Variants in CEP112 observed in about 807,000 individuals in gnomAD.
The protein encoded by CEP112 is centrosomal protein 112, also known as centrosomal protein of 112 kDa.
CEP112 carries 127 observed loss-of-function variants against 153.0 expected under a neutral mutation model. The observed-to-expected ratio is 0.83, with a 90% CI of 0.72 to 0.96. The LOEUF (loss-of-function observed/expected upper bound fraction) is 0.96. CEP112 is among the 40% of genes least tolerant of loss of function. The probability of loss-of-function intolerance (pLI) is 0.00; values close to 1 mark genes in which losing one functional copy is unlikely to be tolerated. For missense variants in CEP112, 1,089 were observed against 1,101.2 expected (o/e 0.99, Z 0.16); for synonymous variants, 358 against 374.4 (o/e 0.96, Z 0.51).
chr17:66,190,669 T>C (rs528769801), intron 1 of CEP112, among the ~76,000 whole-genome samples: 2 of 152,354 alleles, frequency 1.3e-5, no homozygotes, highest in South Asian at 2.1e-4. Flanking sequence ...CTCTTGCTTA[T>C]AGCTACAATC....
At chr17:65,714,370 A>C (rs1244224872) in intron 23 of CEP112, among the ~76,000 whole-genome samples, 1 of 152,202 alleles carries the variant, frequency 6.6e-6, no homozygotes. Context: ...GAAAAAGTCA[A>C]CACTACATAT....
At chr17:65,670,984 A>G (rs1017324668) in intron 24 of CEP112, among the ~76,000 whole-genome samples, 1 of 152,174 alleles carries the variant, frequency 6.6e-6, no homozygotes, top group Non-Finnish European at 1.5e-5. Context: ...ATAACCCATT[A>G]TTATAAAGAA....
intron 21 of CEP112, chr17:65,797,153 A>T (rs1364870933): frequency 1.3e-5 from 2 of 152,248 alleles, no homozygotes; most frequent in African/African-American, 2.4e-5. Context: ...AAGACTGATG[A>T]TCAGTACCAC....
intron 8 of CEP112, among the ~76,000 whole-genome samples, chr17:66,077,395 G>C (rs2067542513): frequency 6.6e-6 from 1 of 152,152 alleles, no homozygotes; most frequent in African/African-American, 2.4e-5. Context: ...GACACACTTA[G>C]AGAAATGCAA....
intron 4 of CEP112, among the ~76,000 whole-genome samples, chr17:66,137,537 G>T (rs2146584460): frequency 6.6e-6 from 1 of 152,132 alleles, no homozygotes; most frequent in African/African-American, 2.4e-5. Flanking sequence ...ATTGCCAAAA[G>T]TCAAAGACAA....
chr17:65,755,386 C>T (rs1335868570), intron 21 of CEP112, among the ~76,000 whole-genome samples: 1 of 152,140 alleles, frequency 6.6e-6, no homozygotes, highest in Non-Finnish European at 1.5e-5. Flanking sequence ...GGGAAATCTG[C>T]CCCTATGATC....
At chr17:65,917,531 A>C (rs559660036) in intron 19 of CEP112, among the ~76,000 whole-genome samples, 1 of 152,230 alleles carries the variant, frequency 6.6e-6, no homozygotes, top group Admixed American at 6.5e-5. Flanking sequence ...CTATCACCCA[A>C]ATAATTTTAA....
At chr17:65,814,292 C>T (rs1776287935) in intron 21 of CEP112, among the ~76,000 whole-genome samples, 1 of 152,134 alleles carries the variant, frequency 6.6e-6, no homozygotes, top group Non-Finnish European at 1.5e-5. Flanking sequence ...TTCTTGGTCC[C>T]AAAACCAAGC....
intron 17 of CEP112, 86 bp downstream of exon 17, chr17:66,005,604 T>G: frequency 1.4e-6 from 2 of 1,444,630 alleles, no homozygotes; most frequent in Non-Finnish European, 1.8e-6. Context: ...CTTATAAAAA[T>G]ATAGTGTTTA....
intron 21 of CEP112, among the ~76,000 whole-genome samples, chr17:65,829,886 A>G (rs2057008172): frequency 6.6e-6 from 1 of 152,236 alleles, no homozygotes; most frequent in African/African-American, 2.4e-5. Flanking sequence ...GACAACAGGT[A>G]AAAGTGAGAA....
chr17:66,083,540 T>G (rs2067803476), intron 8 of CEP112, among the ~76,000 whole-genome samples: 3 of 152,134 alleles, frequency 2.0e-5, no homozygotes, highest in Admixed American at 2.0e-4. Context: ...AAATTTTTAT[T>G]TTATACCATT....
chr17:65,959,569 C>T (rs897782666), intron 18 of CEP112, among the ~76,000 whole-genome samples: 2 of 152,216 alleles, frequency 1.3e-5, no homozygotes, highest in Non-Finnish European at 2.9e-5. Flanking sequence ...TGGGCGCTCC[C>T]GAGCCAGGGC....
At chr17:65,652,200 CT>C (rs2045817720) in intron 24 of CEP112, among the ~76,000 whole-genome samples, 3 of 152,084 alleles carry the variant, frequency 2.0e-5, no homozygotes. Context: ...AAAGGACAGA[CT>C]CTTTTGTAAT....
chr17:66,183,391 T>A (rs1033356598), intron 1 of CEP112, 84 bp from the exon 2 acceptor site: 2 of 901,762 alleles, frequency 2.2e-6, no homozygotes, highest in Admixed American at 2.6e-5. Context: ...AAAAAACTCT[T>A]AAGTGTTAGA....
chr17:65,811,125 A>G (rs1181289241), intron 21 of CEP112, among the ~76,000 whole-genome samples: 8 of 152,228 alleles, frequency 5.3e-5, no homozygotes, highest in South Asian at 2.1e-4. Flanking sequence ...GATAGTTAAC[A>G]TAAGTGTCTT....
At chr17:65,892,466 T>C (rs775593106) in intron 20 of CEP112, among the ~76,000 whole-genome samples, 7 of 152,204 alleles carry the variant, frequency 4.6e-5, no homozygotes, top group Admixed American at 1.3e-4. Flanking sequence ...ACTACTCTTG[T>C]TCCTGAATTG....
At chr17:65,841,722 A>T (rs1347470144) in intron 21 of CEP112, among the ~76,000 whole-genome samples, 1 of 152,064 alleles carries the variant, frequency 6.6e-6, no homozygotes, top group Non-Finnish European at 1.5e-5. Context: ...TTTGATCACA[A>T]CACTTTGCAA....
intron 23 of CEP112, among the ~76,000 whole-genome samples, chr17:65,694,500 A>G (rs1254482357): frequency 6.6e-6 from 1 of 152,186 alleles, no homozygotes; most frequent in East Asian, 1.9e-4. Flanking sequence ...CCTTATAAAG[A>G]TGTAAAGTGT....
intron 6 of CEP112, among the ~76,000 whole-genome samples, chr17:66,125,561 T>A (rs535930168): frequency 6.6e-6 from 1 of 151,574 alleles, no homozygotes; most frequent in Non-Finnish European, 1.5e-5. Flanking sequence ...CTAACCTACA[T>A]GAAAAAAAAA....
Sources: allele counts gnomAD v4.1 joint callset (sites outside exome capture counted in the v4.1 genomes callset), GRCh38; gene constraint gnomAD v4.1.1; transcripts MANE v1.5; gene names NCBI Gene and HGNC (gene_info 2026-07-23, HGNC 2026-07-21).